AP1G2: variants seen among roughly 807,000 people sequenced by gnomAD.
The protein encoded by AP1G2 is adaptor related protein complex 1 subunit gamma 2.
AP1G2 carries 85 observed loss-of-function variants against 95.8 expected under a neutral mutation model. The ratio of observed to expected loss-of-function variants is 0.89; its 90% CI spans 0.74 to 1.06. The LOEUF is 1.06. Among genes scored for constraint, AP1G2 ranks in the 50% least tolerant of loss-of-function variants. The pLI is 0.00. For synonymous variants in AP1G2, 378 were observed against 400.0 expected, an observed-to-expected ratio of 0.94 and a Z score of 0.66; for missense variants, 967 against 1,005.8, an observed-to-expected ratio of 0.96 and a Z score of 0.52.
Position 23,567,687 on chromosome 14 carries a change from AGG to A in AP1G2, c.-6+50_-6+51del. On this transcript the variant is annotated intron_variant, in intron 1 of 21. Coordinates refer to ENST00000397120, the MANE Select transcript of AP1G2 (RefSeq NM_003917.5). This position sits in a 1 kb window ranked among gnomAD's most constrained non-coding sequence, Gnocchi z 5.3. ...AGCTTCCTCCCCCGATTTCCATCTC[AGG>A]CAGCGGCAGCGGCAGCGACAGCCTG... is the stretch of plus-strand genomic sequence containing the variant. 1 of 909,684 alleles carries A rather than the reference AGG, an allele frequency of 1.1e-6. No homozygotes were observed. Among genetic ancestry groups the A allele is most frequent in the Non-Finnish European group, 1.3e-6 (1 of 757,552 alleles). 56.4% of individuals were successfully genotyped at this position (909,684 alleles called of 1,614,324 possible).
In AP1G2 at chr14:23,567,173, G is replaced by C; in HGVS notation, c.142C>G (p.His48Asp). 1 of 1,613,194 alleles carries C rather than the reference G, an allele frequency of 6.2e-7. No homozygotes were observed. Among genetic ancestry groups the C allele is most frequent in the Non-Finnish European group, 8.5e-7 (1 of 1,179,484 alleles). The change falls in exon 2 of 22, where the codon CAC (histidine) becomes GAC (aspartate). Residue 48 changes from histidine to aspartate, a missense_variant. His to Asp is a moderately conservative substitution (Grantham distance 81). Transcript: ENST00000397120. This position sits in a 1 kb window ranked among gnomAD's most constrained non-coding sequence, Gnocchi z 5.3. Reference sequence around the variant, plus strand: ...TAGAGCAGTTTGGCCAGCTGCCGGTGCCTGTGCACTGGGTCCCCGTCGCGG... The same window carrying C: ...TAGAGCAGTTTGGCCAGCTGCCGGTCCCTGTGCACTGGGTCCCCGTCGCGG... Reference protein sequence around the residue: ...SFRDGDPVHRHRQLAKLLYVH... With the variant: ...SFRDGDPVHRDRQLAKLLYVH...
Position 23,567,065 on chromosome 14 carries a change from C to T in AP1G2, c.204+46G>A. ...GGTGAGAGAGTCTGGGACTCTGCCCCACTAGCCTTCATCAAGCTCAGGAGG... is the reference window on the plus strand; with the variant it reads ...GGTGAGAGAGTCTGGGACTCTGCCCTACTAGCCTTCATCAAGCTCAGGAGG... On this transcript the variant is annotated intron_variant, in intron 2 of 21. Coordinates refer to ENST00000397120, the MANE Select transcript of AP1G2 (RefSeq NM_003917.5). This position sits in a 1 kb window ranked among gnomAD's most constrained non-coding sequence, Gnocchi z 5.3. The T allele has an allele frequency of 1.9e-6, 3 of 1,576,528 alleles. No individual in the cohort carries two copies. Among genetic ancestry groups the T allele is most frequent in the Non-Finnish European group, 2.6e-6 (3 of 1,160,608 alleles).
chr14:23,565,910 G>A lies in AP1G2; in HGVS notation c.569-18C>T, dbSNP rs1003447997. 6.3e-7 allele frequency: 1 copy of A among 1,598,654 alleles called. No homozygotes were observed. Among genetic ancestry groups the A allele is most frequent in the African/African-American group, 1.3e-5 (1 of 74,778 alleles). On this transcript the variant is annotated intron_variant, in intron 5 of 21. Transcript: ENST00000397120. Reference sequence around the variant, plus strand: ...CAGGATGCCTGGGGTCAGCGTCGGGGAAGTGAATGGTGGGGGCCAGGGGCA... The same window carrying A: ...CAGGATGCCTGGGGTCAGCGTCGGGAAAGTGAATGGTGGGGGCCAGGGGCA...
rs1339171468 is a variant in AP1G2 at position 23,566,669 on chromosome 14, C to A, written c.222G>T (p.Leu74=). Residue 74 remains leucine, a synonymous_variant, in exon 3 of 22, where the codon CTG becomes CTT. Coordinates refer to ENST00000397120, the MANE Select transcript of AP1G2 (RefSeq NM_003917.5). ...AHFGQMECLK[L]IASSRFTDKR... ...TGTCTGTGAATCTGGAGGAGGCGAT[C>A]AGTTTCAGGCACTCCATCTATAGTG... 2.5e-6 allele frequency: 4 copies of A among 1,614,180 alleles called. No individual in the cohort carries two copies. In the East Asian group the frequency reaches 8.9e-5, roughly 36 times the overall value.
At chr14:23,562,670 A>G (rs1885549810) in intron 14 of AP1G2, 77 bp from the exon 15 acceptor site, 2 of 1,460,136 alleles carry the variant, frequency 1.4e-6, no homozygotes, top group Middle Eastern at 1.8e-4. Flanking sequence ...TGGGAGGCTG[A>G]GGCGGGAGGA....
rs752798620 is a variant in AP1G2 at position 23,567,469 on chromosome 14, C to A, written c.-5-150G>T. 303 of 1,397,204 alleles carry A rather than the reference C, an allele frequency of 2.2e-4. No individual in the cohort carries two copies. The highest frequency in any genetic ancestry group is 2.6e-4 in the Non-Finnish European group (284 of 1,083,514). 86.6% of individuals were successfully genotyped at this position (1,397,204 alleles called of 1,614,324 possible). A position where few individuals can be genotyped will look rare whatever the true frequency, so the allele number is the denominator to read the frequency against. On this transcript the variant is annotated intron_variant, in intron 1 of 21. Coordinates refer to ENST00000397120, the MANE Select transcript of AP1G2 (RefSeq NM_003917.5). This position sits in a 1 kb window ranked among gnomAD's most constrained non-coding sequence, Gnocchi z 5.3. ...ATTTTACCTTTCCCGAAGTGGGTCT[C>A]CAAATTCCGCGCCCACCCCACCGCC...
In AP1G2 at chr14:23,565,190, G is replaced by C. The variant is rs775100885; in HGVS notation, c.751C>G (p.Leu251Val). The C allele has an allele frequency of 6.2e-7, 1 of 1,614,182 alleles. No homozygotes were observed. The highest frequency in any genetic ancestry group is 1.1e-5 in the South Asian group (1 of 91,084). The change falls in exon 8 of 22, where the codon CTT becomes GTT. Residue 251 changes from leucine (L) to valine (V), a missense_variant. By Grantham distance (32) the Leu-to-Val change is conservative. Transcript: ENST00000397120. ...VSDPFLQVQI[L>V]RLLRILGRNH... ...CGGCCCAGGATCCGAAGCAGACGAA[G>C]TATCTGGACCTGAGGTTGGGTTGAA...
At position 23,562,028 on chromosome 14, in the gene AP1G2, A is replaced by G. The variant is rs1182848022; in HGVS notation, c.1667T>C (p.Leu556Ser). 1 of 1,613,822 alleles carries G rather than the reference A, an allele frequency of 6.2e-7. No homozygotes were observed. Among genetic ancestry groups the G allele is most frequent in the East Asian group, 2.2e-5 (1 of 44,874 alleles). Residue 556 changes from leucine (L) to serine (S), a missense_variant, in exon 17 of 22, where the codon TTG becomes TCG. Physicochemically the swap from Leu to Ser is moderately radical, Grantham distance 145. Transcript: ENST00000397120. ...AGCCCGCTGCTGCAGCTCCACGTCC[A>G]AGCAGCTCCCGTAGATGGACACCAC... Reference protein sequence around the residue: ...RQVVSIYGSCLDVELQQRAVE... With the variant: ...RQVVSIYGSCSDVELQQRAVE...
chr14:23,563,063 A>C, intron 14 of AP1G2: 1 of 1,269,934 alleles, frequency 7.9e-7, no homozygotes, highest in Non-Finnish European at 1.0e-6. Flanking sequence ...GGCATCTGTT[A>C]ATTCATTCAG....
chr14:23,566,340 GGCACATCTCAGCAGA>G lies in AP1G2; in HGVS notation c.394_408del (p.Ser132_Cys136del). ...TTCTCCACCTCTGGGGCCAGGTCTC[GGCACATCTCAGCAGA>G]GCCCATGGTGCTCAAAGTGCACAAG... On this transcript the variant is annotated inframe_deletion, in exon 4 of 22. Transcript: ENST00000397120. 2 of 1,613,984 alleles carry G rather than the reference GGCACATCTCAGCAGA, an allele frequency of 1.2e-6. No individual in the cohort carries two copies. Among genetic ancestry groups the G allele is most frequent in the Non-Finnish European group, 1.7e-6 (2 of 1,180,026 alleles).
chr14:23,565,276 C>A (rs901225734), intron 7 of AP1G2, 77 bp from the exon 8 acceptor site: 16 of 1,452,568 alleles, frequency 1.1e-5, no homozygotes, highest in Admixed American at 1.9e-5. Context: ...AAAACTCCAA[C>A]ATGTGAGGGT....
intron 5 of AP1G2, 62 bp from the exon 6 acceptor site, chr14:23,565,954 G>T (rs1406808283): frequency 3.7e-6 from 6 of 1,607,244 alleles, no homozygotes; most frequent in Admixed American, 3.4e-5. Flanking sequence ...TATTGCGTGT[G>T]TGCCTGTGTG....
chr14:23,567,746 C>T lies in AP1G2; in HGVS notation c.-13G>A. 1 of 1,013,366 alleles carries T rather than the reference C, an allele frequency of 9.9e-7. No individual in the cohort carries two copies. Among genetic ancestry groups the T allele is most frequent in the Non-Finnish European group, 1.2e-6 (1 of 847,540 alleles). 62.8% of individuals were successfully genotyped at this position (1,013,366 alleles called of 1,614,324 possible). ...CCAGGACTCCAGCCTCACCTGGCTT[C>T]TGCCTCAACTCCGCTCCTCTGCCCC... is the stretch of plus-strand genomic sequence containing the variant. On this transcript the variant is annotated 5_prime_UTR_variant, in exon 1 of 22. Coordinates refer to ENST00000397120, the MANE Select transcript of AP1G2 (RefSeq NM_003917.5). This position sits in a 1 kb window ranked among gnomAD's most constrained non-coding sequence, Gnocchi z 5.3.
At position 23,559,941 on chromosome 14, in the gene AP1G2, G is replaced by C; in HGVS notation, c.2253C>G (p.Asn751Lys). ...ITQLFRILNP[N>K]KAPLRLKLRL... ...TGGGGGAACTCCTGAAGCTCACCTT[G>C]TTAGGATTGAGGATTCTGAAGAGCT... The change falls in exon 21 of 22, where the codon AAC (asparagine) becomes AAG (lysine). Residue 751 changes from asparagine (N) to lysine (K), a missense_variant. Transcript: ENST00000397120. 1.2e-6 allele frequency: 2 copies of C among 1,612,958 alleles called. No homozygotes were observed. Among genetic ancestry groups the C allele is most frequent in the Non-Finnish European group, 1.7e-6 (2 of 1,179,196 alleles).
In AP1G2 at chr14:23,566,597, G is replaced by A. The variant is rs144389695; in HGVS notation, c.294C>T (p.His98=). 2.4e-5 allele frequency: 38 copies of A among 1,614,006 alleles called. No individual in the cohort carries two copies. Among genetic ancestry groups the A allele is most frequent in the African/African-American group, 4.0e-5 (3 of 74,882 alleles). ...LGAMLLLDER[H]DAHLLITNSI... ...TGTTGGTAATGAGCAGGTGGGCATC[G>A]TGCCTCTCATCCAATAGAAGCATGG... Residue 98 remains histidine, a synonymous_variant, in exon 3 of 22, where the codon CAC becomes CAT. Transcript: ENST00000397120.
chr14:23,559,926 C>T lies in AP1G2; in HGVS notation c.2256+12G>A. 1 of 1,612,282 alleles carries T rather than the reference C, an allele frequency of 6.2e-7. No homozygotes were observed. The highest frequency in any genetic ancestry group is 1.1e-5 in the South Asian group (1 of 90,916). On this transcript the variant is annotated intron_variant, in intron 21 of 21. Transcript: ENST00000397120. ...CCCTGGGTCTTGTCTTGGGGGAACT[C>T]CTGAAGCTCACCTTGTTAGGATTGA...
At position 23,559,941 on chromosome 14, in the gene AP1G2, G is replaced by A. The variant is rs761212126; in HGVS notation, c.2253C>T (p.Asn751=). Residue 751 remains asparagine (N), a synonymous_variant, in exon 21 of 22, where the codon AAC becomes AAT. Coordinates refer to ENST00000397120, the MANE Select transcript of AP1G2 (RefSeq NM_003917.5). ...ITQLFRILNP[N]KAPLRLKLRL... ...TGGGGGAACTCCTGAAGCTCACCTT[G>A]TTAGGATTGAGGATTCTGAAGAGCT... is the stretch of plus-strand genomic sequence containing the variant. 1 of 1,612,958 alleles carries A rather than the reference G, an allele frequency of 6.2e-7. No homozygotes were observed. Among genetic ancestry groups the A allele is most frequent in the South Asian group, 1.1e-5 (1 of 90,962 alleles).
At chr14:23,560,858 C>G (rs1439540696) in intron 19 of AP1G2, 1 of 167,144 alleles carries the variant, frequency 6.0e-6, no homozygotes, top group African/African-American at 2.5e-5. Context: ...GTAAGTCATG[C>G]CAGAATAACT....
In AP1G2 at chr14:23,560,380, C is replaced by G. The variant is rs1181398287; in HGVS notation, c.2032G>C (p.Val678Leu). ...CGAATGAAAGACAGATTCAGCTGTA[C>G]TCCCTCACGCTCAAACACTTTGAGA... is the stretch of plus-strand genomic sequence containing the variant. ...PDLKVFEREG[V>L]QLNLSFIRPP... is the part of the protein sequence containing the mutation. The change falls in exon 20 of 22, where the codon GTA becomes CTA. Residue 678 changes from valine to leucine, a missense_variant. Coordinates refer to ENST00000397120, the MANE Select transcript of AP1G2 (RefSeq NM_003917.5). 2 of 1,614,096 alleles carry G rather than the reference C, an allele frequency of 1.2e-6. No individual in the cohort carries two copies. Among genetic ancestry groups the G allele is most frequent in the Non-Finnish European group, 1.7e-6 (2 of 1,180,002 alleles).
Sources: allele counts gnomAD v4.1 joint callset, GRCh38; gene constraint gnomAD v4.1.1; non-coding constraint Gnocchi (gnomAD v3.1); transcripts MANE v1.5; gene names NCBI Gene and HGNC (gene_info 2026-07-23, HGNC 2026-07-21).